Variants in ABCA13 observed in about 807,000 individuals in gnomAD.
ABCA13 encodes ATP-binding cassette sub-family A member 13.
ABCA13 carries 476 observed loss-of-function variants against 478.7 expected under a neutral mutation model. The observed-to-expected ratio is 0.99, with a 90% confidence interval of 0.92 to 1.07. The LOEUF is 1.07. Among genes scored for constraint, ABCA13 ranks in the 50% least tolerant of loss-of-function variants. The pLI is 0.00. For missense variants in ABCA13, 6,060 were observed against 5,910.6 expected (o/e 1.03, Z -0.83); for synonymous variants, 2,252 against 2,158.9 (o/e 1.04, Z -1.20).
chr7:48,372,432 T>G lies in ABCA13; in HGVS notation c.11068T>G (p.Phe3690Val). Residue 3690 changes from phenylalanine (F) to valine (V), a missense_variant, in exon 33 of 62, where the codon TTT (phenylalanine) becomes GTT (valine). Phe to Val is a conservative substitution (Grantham distance 50). Coordinates refer to ENST00000435803, the MANE Select transcript of ABCA13 (RefSeq NM_152701.5). ...TACCAGCCTGGTGTACATGATCAGC[T>G]TTCTGCCCTACATAGTTCTATTGGT... ...LCTSLVYMIS[F>V]LPYIVLLVLH... is the part of the protein sequence containing the mutation. 6.2e-7 allele frequency: 1 copy of G among 1,613,894 alleles called. No homozygotes were observed. Among genetic ancestry groups the G allele is most frequent in the South Asian group, 1.1e-5 (1 of 91,076 alleles).
chr7:48,573,539 G>GAAACA (rs1050278408), intron 55 of ABCA13, among the ~76,000 whole-genome samples: 7 of 151,686 alleles, frequency 4.6e-5, no homozygotes, highest in East Asian at 3.9e-4. Context: ...CCACAAAACA[G>GAAACA]AAACAAAACA....
chr7:48,279,206 T>C lies in ABCA13; in HGVS notation c.8012T>C (p.Val2671Ala). Residue 2671 changes from valine (V) to alanine (A), a missense_variant, in exon 18 of 62, where the codon GTC becomes GCC. Coordinates refer to ENST00000435803, the MANE Select transcript of ABCA13 (RefSeq NM_152701.5). The part of the protein sequence containing the change: ...NETQTFSMDS[V>A]NLREEILGCL... ...ACTCAAACATTTTCTATGGATTCTG[T>C]CAACTTACGGGAAGAAATTCTGGGT... is the stretch of plus-strand genomic sequence containing the variant. 1 of 1,595,440 alleles carries C rather than the reference T, an allele frequency of 6.3e-7. No homozygotes were observed. The highest frequency in any genetic ancestry group is 8.5e-7 in the Non-Finnish European group (1 of 1,170,332).
intron 43 of ABCA13, among the ~76,000 whole-genome samples, chr7:48,461,487 T>C (rs1369695960): frequency 6.6e-6 from 1 of 152,178 alleles, no homozygotes; most frequent in East Asian, 1.9e-4. Context: ...GTAAATGAAA[T>C]AGCTGAAACT....
At chr7:48,309,798 C>T in intron 23 of ABCA13, 149 bp from the exon 24 acceptor site, 1 of 726,648 alleles carries the variant, frequency 1.4e-6, no homozygotes, top group South Asian at 2.1e-5. Context: ...AATCGAACCC[C>T]AGTTTGGGCT....
intron 41 of ABCA13, among the ~76,000 whole-genome samples, chr7:48,420,959 C>T (rs575175941): frequency 6.6e-6 from 1 of 152,104 alleles, no homozygotes; most frequent in African/African-American, 2.4e-5. Flanking sequence ...TTGAAGAGTC[C>T]AGACCACGTA....
chr7:48,275,574 G>A lies in ABCA13; in HGVS notation c.5908G>A (p.Gly1970Ser), dbSNP rs766069893. ...KNVNFTKVTS[G>S]ENILDKLSSL... ...TGTCAACTTTACAAAAGTTACATCA[G>A]GTGAAAATATTCTTGACAAACTAAG... The change falls in exon 17 of 62, where the codon GGT becomes AGT. Residue 1970 changes from glycine (G) to serine (S), a missense_variant. Coordinates refer to ENST00000435803, the MANE Select transcript of ABCA13 (RefSeq NM_152701.5). 1 of 1,613,388 alleles carries A rather than the reference G, an allele frequency of 6.2e-7. No individual in the cohort carries two copies. Among genetic ancestry groups the A allele is most frequent in the Admixed American group, 1.7e-5 (1 of 59,920 alleles).
chr7:48,585,762 T>C (rs1412673260), intron 56 of ABCA13, among the ~76,000 whole-genome samples: 2 of 152,206 alleles, frequency 1.3e-5, no homozygotes, highest in Admixed American at 6.5e-5. Context: ...TAAAATATGA[T>C]CTTGGTCAAT....
intron 56 of ABCA13, among the ~76,000 whole-genome samples, chr7:48,584,538 G>A (rs1174179062): frequency 6.6e-6 from 1 of 152,146 alleles, no homozygotes; most frequent in African/African-American, 2.4e-5. Context: ...CCATGTGGGT[G>A]AGTATATGTG....
At chr7:48,237,012 G>GGTTTTTT (rs746437167) in intron 8 of ABCA13, among the ~76,000 whole-genome samples, 17 of 130,914 alleles carry the variant, frequency 1.3e-4, no homozygotes, top group Non-Finnish European at 1.6e-4. Flanking sequence ...AGAGGGTAGG[G>GGTTTTTT]TTTTTTTTTT....
chr7:48,367,970 G>A (rs1811943384), intron 32 of ABCA13, 62 bp downstream of exon 32: 3 of 1,337,644 alleles, frequency 2.2e-6, no homozygotes, highest in East Asian at 2.5e-5. Flanking sequence ...TTTGGAAATG[G>A]ATCTTGTCCC....
intron 42 of ABCA13, among the ~76,000 whole-genome samples, chr7:48,439,415 A>G (rs1823282173): frequency 6.6e-6 from 1 of 152,200 alleles, no homozygotes; most frequent in South Asian, 2.1e-4. Context: ...TCTTACATAT[A>G]AAAGTTATTA....
intron 50 of ABCA13, among the ~76,000 whole-genome samples, chr7:48,510,054 C>A (rs1358130470): frequency 6.6e-6 from 1 of 152,194 alleles, no homozygotes; most frequent in Non-Finnish European, 1.5e-5. Flanking sequence ...TCTGTCATAG[C>A]CCCCCAAATG....
chr7:48,640,303 A>T (rs577478440), intron 59 of ABCA13, among the ~76,000 whole-genome samples: 22 of 152,222 alleles, frequency 1.4e-4, no homozygotes, highest in African/African-American at 4.1e-4. Context: ...TTGACAAGTG[A>T]TTTTTCAGAA....
intron 47 of ABCA13, among the ~76,000 whole-genome samples, chr7:48,487,446 T>C (rs1420476801): frequency 6.6e-6 from 1 of 152,128 alleles, no homozygotes; most frequent in Non-Finnish European, 1.5e-5. Context: ...AAAGAAGCTC[T>C]GTTTTTGTTT....
At chr7:48,204,556 C>T (rs1784678418) in intron 3 of ABCA13, among the ~76,000 whole-genome samples, 1 of 152,170 alleles carries the variant, frequency 6.6e-6, no homozygotes. Flanking sequence ...GACGTAACAG[C>T]ATTAGATTCG....
chr7:48,231,668 T>TTATTAC (rs1321460775), intron 7 of ABCA13, among the ~76,000 whole-genome samples: 1 of 151,944 alleles, frequency 6.6e-6, no homozygotes, highest in African/African-American at 2.4e-5. Flanking sequence ...ATTATTATTA[T>TTATTAC]TATTATTATT....
chr7:48,349,436 CT>C (rs1215653877), intron 29 of ABCA13, among the ~76,000 whole-genome samples: 1 of 152,220 alleles, frequency 6.6e-6, no homozygotes, highest in African/African-American at 2.4e-5. Context: ...CTAATCTTTC[CT>C]TACCAGGGAA....
At chr7:48,461,646 T>TCC (rs903130331) in intron 43 of ABCA13, among the ~76,000 whole-genome samples, 21 of 152,160 alleles carry the variant, frequency 1.4e-4, no homozygotes, top group African/African-American at 4.8e-4. Flanking sequence ...CCCCTCACCC[T>TCC]GGGTGAACTG....
In ABCA13 at chr7:48,297,786, C is replaced by CTT. The variant is rs11393352; in HGVS notation, c.9199+487_9199+488dup. 2.3e-3 allele frequency among the ~76,000 whole-genome samples: 330 copies of CTT among 142,022 alleles called. 1 individual carries two copies. Among genetic ancestry groups the CTT allele is most frequent in the African/African-American group, 8.0e-3 (300 of 37,326 alleles). 93.2% of individuals were successfully genotyped at this position (142,022 alleles called of 152,430 possible). On this transcript the variant is annotated intron_variant, in intron 22 of 61. Coordinates refer to ENST00000435803, the MANE Select transcript of ABCA13 (RefSeq NM_152701.5). ...GAAGAAGCTCTTTCTTTCTTTCTTT[C>CTT]TTTTTTTTTTTTTGTGTCTCACTCT... is the stretch of plus-strand genomic sequence containing the variant.
Sources: allele counts gnomAD v4.1 joint callset (sites outside exome capture counted in the v4.1 genomes callset), GRCh38; gene constraint gnomAD v4.1.1; transcripts MANE v1.5; gene names NCBI Gene and HGNC (gene_info 2026-07-23, HGNC 2026-07-21).